The following CNGA2 variants were observed in gnomAD, a reference collection of about 807,000 sequenced individuals.
CNGA2 encodes cyclic nucleotide gated channel subunit alpha 2, also known as cyclic nucleotide-gated channel alpha-2.
In CNGA2, 22 loss-of-function variants were observed where a neutral mutation model predicts 35.9. The observed-to-expected ratio is 0.61, with a 90% confidence interval of 0.44 to 0.88. The LOEUF (loss-of-function observed/expected upper bound fraction) is 0.88, where lower values mean the gene tolerates loss of function less well. Among genes scored for constraint, CNGA2 ranks in the 40% least tolerant of loss-of-function variants. The pLI, the probability that CNGA2 is intolerant of heterozygous loss-of-function variation, is 0.00. For synonymous variants in CNGA2, 217 were observed against 209.2 expected, an observed-to-expected ratio of 1.04 and a Z score of -0.32; for missense variants, 555 against 530.8, an observed-to-expected ratio of 1.05 and a Z score of -0.45.
rs769200795 is a variant in CNGA2 at position 151,743,950 on chromosome X, C to T, written c.1447C>T (p.Arg483Cys). ...CTTCAGTCCTGGGGATTACATTTGCCGCAAAGGGGACATCGGCAAGGAGAT... is the reference window on the plus strand; with the variant it reads ...CTTCAGTCCTGGGGATTACATTTGCTGCAAAGGGGACATCGGCAAGGAGAT... ...QVFSPGDYIC[R>C]KGDIGKEMYI... Residue 483 changes from arginine to cysteine, a missense_variant, in exon 7 of 7, where the codon CGC becomes TGC. Physicochemically the swap from Arg to Cys is radical, Grantham distance 180 (BLOSUM62 -3). Transcript: ENST00000329903. 3.6e-5 allele frequency: 43 copies of T among 1,208,940 alleles called. No individual in the cohort carries two copies. Among genetic ancestry groups the T allele is most frequent in the Middle Eastern group, 2.3e-4 (1 of 4,374 alleles).
intron 6 of CNGA2, among the ~76,000 whole-genome samples, 171 bp from the exon 7 acceptor site, chrX:151,742,922 A>C (rs1012470599): frequency 2.5e-5 from 2 of 80,334 alleles, no homozygotes; most frequent in African/African-American, 5.3e-5. Context: ...GCCTATAGGG[A>C]AGGATATATA....
intron 1 of CNGA2, among the ~76,000 whole-genome samples, chrX:151,737,016 G>A (rs149585914): frequency 1.7e-4 from 19 of 111,775 alleles, no homozygotes; most frequent in Non-Finnish European, 3.4e-4. Flanking sequence ...AAGTGCCCTC[G>A]TTACTATCCT....
chrX:151,739,694 T>TGGCAAAGGCGACAAGGATGGCGAG lies in CNGA2; in HGVS notation c.338_361dup (p.Gly113_Glu120dup), dbSNP rs1419231405. ...AGACTGTGACCACACAGGAGGGGGA[T>TGGCAAAGGCGACAAGGATGGCGAG]GGCAAAGGCGACAAGGATGGCGAGG... On this transcript the variant is annotated inframe_insertion, in exon 4 of 7. Coordinates refer to ENST00000329903, the MANE Select transcript of CNGA2 (RefSeq NM_005140.3). 2.5e-6 allele frequency: 3 copies of TGGCAAAGGCGACAAGGATGGCGAG among 1,211,393 alleles called. No homozygotes were observed. The South Asian group carries it at 5.3e-5, about 21-fold the overall frequency.
intron 1 of CNGA2, among the ~76,000 whole-genome samples, chrX:151,736,799 T>A (rs1445171522): frequency 9.0e-6 from 1 of 111,423 alleles, no homozygotes; most frequent in Non-Finnish European, 1.9e-5. Flanking sequence ...GAACATATGC[T>A]GTGCCCCCAG....
intron 3 of CNGA2, 106 bp from the exon 4 acceptor site, chrX:151,739,456 G>C: frequency 2.2e-6 from 2 of 890,023 alleles, no homozygotes; most frequent in Non-Finnish European, 3.1e-6. Flanking sequence ...AGGTTTCACT[G>C]TCCTTCTTTC....
In CNGA2 at chrX:151,743,207, A is replaced by G; in HGVS notation, c.704A>G (p.Tyr235Cys). The G allele has an allele frequency of 8.3e-7, 1 of 1,204,822 alleles. No homozygotes were observed. Among genetic ancestry groups the G allele is most frequent in the Non-Finnish European group, 1.1e-6 (1 of 893,902 alleles). The change falls in exon 7 of 7, where the codon TAT becomes TGT. Residue 235 changes from tyrosine (Y) to cysteine (C), a missense_variant. Tyr to Cys is a radical substitution (Grantham distance 194, BLOSUM62 -2). Coordinates refer to ENST00000329903, the MANE Select transcript of CNGA2 (RefSeq NM_005140.3). The part of the protein sequence containing the change: ...VASIIPTDLI[Y>C]FAVDIHSPEV... ...TCCATCATCCCCACTGACCTGATCT[A>G]TTTTGCTGTGGACATCCACAGCCCT...
Position 151,738,441 on chromosome X carries a change from G to T in CNGA2, c.-26-17G>T. ...CAGGGTCCTCTGTGACCTTCTTCTTGGCCCTCTTCCTGGCAGATAAGTGCT... is the reference window on the plus strand; with the variant it reads ...CAGGGTCCTCTGTGACCTTCTTCTTTGCCCTCTTCCTGGCAGATAAGTGCT... On this transcript the variant is annotated splice_polypyrimidine_tract_variant and intron_variant, in intron 1 of 6. Transcript: ENST00000329903. 2 of 1,073,427 alleles carry T rather than the reference G, an allele frequency of 1.9e-6. No homozygotes were observed. The highest frequency in any genetic ancestry group is 2.6e-6 in the Non-Finnish European group (2 of 773,571). The allele number at this position is 1,073,427 out of a possible 1,213,427, so 88.5% of individuals were successfully genotyped here.
chrX:151,739,330 A>G (rs962191156), intron 3 of CNGA2, among the ~76,000 whole-genome samples: 2 of 112,368 alleles, frequency 1.8e-5, no homozygotes, highest in Admixed American at 1.9e-4. Context: ...AAGTCTTCCC[A>G]GGACAGCAGT....
chrX:151,742,957 T>TAC (rs2015323846), intron 6 of CNGA2, 136 bp from the exon 7 acceptor site: 1 of 76,729 alleles, frequency 1.3e-5, no homozygotes, highest in African/African-American at 6.8e-5. Context: ...TGTATATATA[T>TAC]ATGTATATAT....
intron 6 of CNGA2, 66 bp from the exon 7 acceptor site, chrX:151,743,027 T>TATATATACACACAC (rs1569428405): frequency 3.2e-4 from 1 of 3,123 alleles, no homozygotes; most frequent in Non-Finnish European, 6.5e-4. Context: ...TGTATATATA[T>TATATATACACACAC]GCACATATAT....
intron 1 of CNGA2, 35 bp from the exon 2 acceptor site, chrX:151,738,423 C>T: frequency 1.0e-6 from 1 of 972,160 alleles, no homozygotes; most frequent in African/African-American, 1.9e-5. Flanking sequence ...TGTCAGGGTC[C>T]TCTGTGACCT....
intron 3 of CNGA2, 149 bp downstream of exon 3, chrX:151,739,028 TC>T (rs1241236051): frequency 5.4e-5 from 26 of 477,815 alleles, no homozygotes; most frequent in Non-Finnish European, 7.8e-5. Context: ...TTTAATTCCG[TC>T]CTCCTGAGGT....
Position 151,743,950 on chromosome X carries a change from C to G in CNGA2, c.1447C>G (p.Arg483Gly). The G allele has an allele frequency of 8.3e-7, 1 of 1,211,004 alleles. No individual in the cohort carries two copies. The highest frequency in any genetic ancestry group is 3.0e-5 in the East Asian group (1 of 33,807). Residue 483 changes from arginine to glycine, a missense_variant, in exon 7 of 7, where the codon CGC becomes GGC. Arg to Gly is a moderately radical substitution (Grantham distance 125). Coordinates refer to ENST00000329903, the MANE Select transcript of CNGA2 (RefSeq NM_005140.3). ...QVFSPGDYIC[R>G]KGDIGKEMYI... ...CTTCAGTCCTGGGGATTACATTTGC[C>G]GCAAAGGGGACATCGGCAAGGAGAT...
Position 151,744,267 on chromosome X carries a change from A to C in CNGA2, c.1764A>C (p.Glu588Asp). Reference sequence around the variant, plus strand: ...AGGAGGGACTGCTGGATGAGAACGAAGTGGCAACCAGCATGGAGGTCGACG... The same window carrying C: ...AGGAGGGACTGCTGGATGAGAACGACGTGGCAACCAGCATGGAGGTCGACG... ...LMKEGLLDEN[E>D]VATSMEVDVQ... The change falls in exon 7 of 7, where the codon GAA becomes GAC. Residue 588 changes from glutamate to aspartate, a missense_variant. Glu to Asp is a conservative substitution (Grantham distance 45). Coordinates refer to ENST00000329903, the MANE Select transcript of CNGA2 (RefSeq NM_005140.3). The C allele has an allele frequency of 8.3e-7, 1 of 1,210,484 alleles. No individual in the cohort carries two copies. Among genetic ancestry groups the C allele is most frequent in the Non-Finnish European group, 1.1e-6 (1 of 895,062 alleles).
At position 151,743,213 on chromosome X, in the gene CNGA2, C is replaced by T. The variant is rs2015334775; in HGVS notation, c.710C>T (p.Ala237Val). The change falls in exon 7 of 7, where the codon GCT becomes GTT. Residue 237 changes from alanine to valine, a missense_variant. Transcript: ENST00000329903. ...SIIPTDLIYF[A>V]VDIHSPEVRF... ...ATCCCCACTGACCTGATCTATTTTG[C>T]TGTGGACATCCACAGCCCTGAGGTG... 1.7e-6 allele frequency: 2 copies of T among 1,200,731 alleles called. No homozygotes were observed. The highest frequency in any genetic ancestry group is 3.6e-5 in the South Asian group (2 of 56,218).
chrX:151,740,964 A>G, intron 5 of CNGA2, 63 bp downstream of exon 5: 1 of 853,851 alleles, frequency 1.2e-6, no homozygotes, highest in Non-Finnish European at 1.7e-6. Context: ...CCCGGGATTG[A>G]CGGCGCAGCA....
chrX:151,738,719 C>A (rs2015272398), intron 2 of CNGA2, 68 bp from the exon 3 acceptor site: 5 of 1,096,675 alleles, frequency 4.6e-6, no homozygotes, highest in Non-Finnish European at 6.2e-6. Flanking sequence ...GATTTCTAAG[C>A]ATGACCCAGG....
At chrX:151,740,714 C>A in intron 4 of CNGA2, 80 bp from the exon 5 acceptor site, 1 of 786,926 alleles carries the variant, frequency 1.3e-6, no homozygotes, top group Non-Finnish European at 1.9e-6. Context: ...CTTTCTCAGG[C>A]ACTTCTGGTT....
At chrX:151,737,153 A>G (rs2015254757) in intron 1 of CNGA2, among the ~76,000 whole-genome samples, 1 of 111,798 alleles carries the variant, frequency 8.9e-6, no homozygotes, top group Non-Finnish European at 1.9e-5. Flanking sequence ...AGCTCCAGGG[A>G]CAGCTTCCGG....
Sources: gnomAD v4.1 joint callset for allele counts (sites outside exome capture counted in the v4.1 genomes callset) on GRCh38, gnomAD v4.1.1 for gene constraint, MANE v1.5 for transcripts, NCBI Gene and HGNC (gene_info 2026-07-23, HGNC 2026-07-21) for gene names.